The following CCDC171 variants were observed in gnomAD, a reference collection of about 807,000 sequenced individuals.
CCDC171 encodes the protein coiled-coil domain-containing protein 171.
A neutral mutation model predicts 168.2 loss-of-function variants in CCDC171; 177 were observed. The ratio of observed to expected loss-of-function variants is 1.05; its 90% CI spans 0.93 to 1.19. The LOEUF is 1.19. Ranked by LOEUF, CCDC171 falls within the 50% of genes most tolerant of loss-of-function variation. CCDC171 has a pLI of 0.00. For missense variants in CCDC171, 1,991 were observed against 1,539.0 expected, an observed-to-expected ratio of 1.29 and a Z score of -4.91; for synonymous variants, 687 against 540.8, an observed-to-expected ratio of 1.27 and a Z score of -3.75.
At chr9:15,676,969 T>G (rs1169897560) in intron 9 of CCDC171, among the ~76,000 whole-genome samples, 1 of 152,178 alleles carries the variant, frequency 6.6e-6, no homozygotes, top group Non-Finnish European at 1.5e-5. Flanking sequence ...TACGTGTGTT[T>G]CCATACTTGA....
intron 9 of CCDC171, among the ~76,000 whole-genome samples, chr9:15,667,745 C>T (rs761629323): frequency 1.2e-4 from 18 of 152,182 alleles, no homozygotes; most frequent in African/African-American, 3.1e-4. Context: ...ACAAAAATCA[C>T]GAAGATTGCA....
chr9:15,619,081 A>G (rs1317067192), intron 6 of CCDC171, among the ~76,000 whole-genome samples: 1 of 149,262 alleles, frequency 6.7e-6, no homozygotes, highest in Non-Finnish European at 1.5e-5. Context: ...TGTTCTCACT[A>G]CTCCTCTGTC....
rs563347666 is a variant in CCDC171, at chr9:15,708,243, A to G, written c.1318+12906A>G. Among the ~76,000 whole-genome samples, 7 of 152,376 alleles carry G rather than the reference A, an allele frequency of 4.6e-5. No individual in the cohort carries two copies. The South Asian group carries it at 1.4e-3, about 32-fold the overall frequency. On this transcript the variant is annotated intron_variant, in intron 11 of 25. Coordinates refer to ENST00000380701, the MANE Select transcript of CCDC171 (RefSeq NM_173550.4). Reference sequence around the variant, plus strand: ...TGTCAACAGCCTGGTAGCCTCCTATAAAATAGTTCCACACTTTCATACTAA... The same window carrying G: ...TGTCAACAGCCTGGTAGCCTCCTATGAAATAGTTCCACACTTTCATACTAA...
intron 25 of CCDC171, among the ~76,000 whole-genome samples, chr9:15,935,290 G>A (rs905444495): frequency 6.6e-6 from 1 of 151,966 alleles, no homozygotes; most frequent in African/African-American, 2.4e-5. Flanking sequence ...AGACTCAGAG[G>A]AAATTTGAGT....
chr9:16,107,997 C>T, the CCDC171 span, among the ~76,000 whole-genome samples: 18 of 152,056 alleles, frequency 1.2e-4, no homozygotes, highest in East Asian at 1.2e-3. Flanking sequence ...TAGAGTACTA[C>T]GCATAATAAA....
intron 23 of CCDC171, among the ~76,000 whole-genome samples, chr9:15,858,049 ACT>A (rs2061413435): frequency 2.0e-5 from 3 of 151,160 alleles, no homozygotes; most frequent in African/African-American, 7.3e-5. Context: ...GGGGAGTCTT[ACT>A]CTTTTGCCCA....
At chr9:15,910,863 A>G (rs1008496338) in intron 24 of CCDC171, among the ~76,000 whole-genome samples, 4 of 152,190 alleles carry the variant, frequency 2.6e-5, no homozygotes, top group Admixed American at 2.6e-4. Flanking sequence ...ATGTCCCTGC[A>G]GAGGACATGA....
chr9:15,644,683 C>T (rs557146995), intron 7 of CCDC171, among the ~76,000 whole-genome samples: 28 of 152,202 alleles, frequency 1.8e-4, no homozygotes, highest in African/African-American at 4.3e-4. Context: ...AAGGCAGCAG[C>T]GAGGCTGGGG....
At chr9:16,065,303 G>T (rs948727677), downstream of CCDC171, among the ~76,000 whole-genome samples, 1 of 152,126 alleles carries the variant, frequency 6.6e-6, no homozygotes, top group Non-Finnish European at 1.5e-5. Context: ...CTGGCTGGCT[G>T]TGTGTAGTGC....
At chr9:15,761,715 TCTGA>T (rs1354122778) in intron 18 of CCDC171, among the ~76,000 whole-genome samples, 1 of 152,210 alleles carries the variant, frequency 6.6e-6, no homozygotes, top group Non-Finnish European at 1.5e-5. Context: ...ACAAGCACAA[TCTGA>T]CTGAGTATCG....
At chr9:15,957,414 G>C (rs1314350854) in intron 25 of CCDC171, among the ~76,000 whole-genome samples, 2 of 152,114 alleles carry the variant, frequency 1.3e-5, no homozygotes, top group African/African-American at 4.8e-5. Context: ...GCTGAAATAT[G>C]GTTCCGTCTC....
intron 8 of CCDC171, among the ~76,000 whole-genome samples, chr9:15,662,978 CTCA>C (rs991674539): frequency 8.2e-5 from 10 of 122,666 alleles, no homozygotes; most frequent in Admixed American, 5.6e-4. Flanking sequence ...GAGACTTCGT[CTCA>C]ACAACAACAA....
At chr9:15,722,935 G>C (rs1178263487) in intron 12 of CCDC171, among the ~76,000 whole-genome samples, 1 of 152,134 alleles carries the variant, frequency 6.6e-6, no homozygotes, top group Non-Finnish European at 1.5e-5. Flanking sequence ...GGAAGCTGCA[G>C]GGTAACTAGG....
chr9:15,998,726 C>T (rs562691461), intron 3 of CCDC171, among the ~76,000 whole-genome samples: 3 of 152,128 alleles, frequency 2.0e-5, no homozygotes, highest in African/African-American at 7.2e-5. Context: ...TTTATTCATG[C>T]CCTTCTGAAA....
intron 7 of CCDC171, among the ~76,000 whole-genome samples, chr9:15,633,008 C>T (rs378132): frequency 0.54 from 82,718 of 151,950 alleles, 22,809 homozygotes; most frequent in East Asian, 0.77. Flanking sequence ...TTACCCATTA[C>T]ACAAAAATTA....
chr9:15,839,122 G>A (rs143880810), intron 21 of CCDC171, among the ~76,000 whole-genome samples: 4 of 152,114 alleles, frequency 2.6e-5, no homozygotes, highest in Non-Finnish European at 5.9e-5. Context: ...TTTTTTATTA[G>A]TACATTTAAT....
intron 7 of CCDC171, among the ~76,000 whole-genome samples, chr9:15,653,842 C>G (rs1332979344): frequency 6.6e-6 from 1 of 151,962 alleles, no homozygotes; most frequent in Non-Finnish European, 1.5e-5. Context: ...GTCTCAAACT[C>G]TTGGCCCCAA....
chr9:16,105,272 G>A, the CCDC171 span, among the ~76,000 whole-genome samples: 1 of 152,214 alleles, frequency 6.6e-6, no homozygotes, highest in Non-Finnish European at 1.5e-5. Flanking sequence ...GAGGGCGGGA[G>A]AAGTGTGGGG....
intron 6 of CCDC171, among the ~76,000 whole-genome samples, chr9:15,601,737 C>G (rs1016607098): frequency 2.0e-5 from 3 of 152,106 alleles, no homozygotes; most frequent in African/African-American, 7.2e-5. Flanking sequence ...CTTTGCAGAG[C>G]CTACAGGATA....
Sources: gnomAD v4.1 joint callset for allele counts (sites outside exome capture counted in the v4.1 genomes callset) on GRCh38, gnomAD v4.1.1 for gene constraint, MANE v1.5 for transcripts, NCBI Gene and HGNC (gene_info 2026-07-23, HGNC 2026-07-21) for gene names.